MBNL1: variants seen among roughly 807,000 people sequenced by gnomAD.
MBNL1 encodes muscleblind like splicing regulator 1.
Under a neutral mutation model 42.2 loss-of-function variants are expected in MBNL1, and 8 were observed. The ratio of observed to expected loss-of-function variants is 0.19; its 90% CI spans 0.11 to 0.34. The LOEUF (loss-of-function observed/expected upper bound fraction) is 0.34, where lower values mean the gene tolerates loss of function less well. Among genes scored for constraint, MBNL1 ranks in the 10% least tolerant of loss-of-function variants. The pLI is 1.00. For synonymous variants in MBNL1, 169 were observed against 173.9 expected (o/e 0.97, Z 0.22); for missense variants, 309 against 495.3 (o/e 0.62, Z 3.57).
rs866314864 is a variant in MBNL1, at chr3:152,250,100, G to A, written n.333+5660G>A. Reference sequence around the variant, plus strand: ...TGGCTTAGGATTTACTTGGCGATGCGGGCTCTTTTTTGGATCCATATGAAC... The same window carrying A: ...TGGCTTAGGATTTACTTGGCGATGCAGGCTCTTTTTTGGATCCATATGAAC... On this transcript the variant is annotated intron_variant and non_coding_transcript_variant, in intron 2 of 2. Coordinates refer to the MBNL1 transcript ENST00000477171. Among the ~76,000 whole-genome samples, 15 of 152,064 alleles carry A rather than the reference G, an allele frequency of 9.9e-5. No individual in the cohort carries two copies. In the East Asian group the frequency reaches 1.7e-3, roughly 18 times the overall value.
Position 152,335,347 on chromosome 3 carries a change from G to T in MBNL1, c.174+34980G>T, listed in dbSNP as rs540154089. 4.0e-6 allele frequency: 4 copies of T among 992,852 alleles called. No individual in the cohort carries two copies. In the East Asian group the frequency reaches 2.4e-4, roughly 60 times the overall value. The allele number at this position is 992,852 out of a possible 1,614,324, so 61.5% of individuals were successfully genotyped here. On this transcript the variant is annotated intron_variant, in intron 2 of 9. Coordinates refer to ENST00000324210, the MANE Select transcript of MBNL1 (RefSeq NM_021038.5). ...ATGGCTTTTGGTATTCTGTACATTA[G>T]AAACTGTTTTAGAGAGGAACCGTGG...
intron 2 of MBNL1, among the ~76,000 whole-genome samples, chr3:152,317,449 A>G (rs573599205): frequency 6.6e-6 from 1 of 152,066 alleles, no homozygotes; most frequent in African/African-American, 2.4e-5. Context: ...TCTCCTGAGT[A>G]TCTGGGATTA....
At chr3:152,336,085 C>T (rs904776015) in intron 2 of MBNL1, among the ~76,000 whole-genome samples, 5 of 152,038 alleles carry the variant, frequency 3.3e-5, no homozygotes, top group African/African-American at 4.8e-5. Flanking sequence ...TTTCCCCTTG[C>T]GATGCTTAAC....
At chr3:152,344,070 G>A (rs2093813583) in intron 2 of MBNL1, among the ~76,000 whole-genome samples, 1 of 151,672 alleles carries the variant, frequency 6.6e-6, no homozygotes, top group South Asian at 2.1e-4. Flanking sequence ...CCTTTTTTTG[G>A]GGGGTGACTG....
At chr3:152,263,838 G>A (rs2036725380), upstream of MBNL1, 1 of 152,032 alleles carries the variant, frequency 6.6e-6, no homozygotes, top group Non-Finnish European at 1.5e-5. Context: ...TGATTAATTT[G>A]ATGGAGATTC....
At chr3:152,323,991 G>A (rs369666524) in intron 2 of MBNL1, among the ~76,000 whole-genome samples, 6 of 152,090 alleles carry the variant, frequency 3.9e-5, no homozygotes, top group Non-Finnish European at 4.4e-5. Flanking sequence ...AATTATCCCC[G>A]TTTTCGGTTG....
chr3:152,453,626 A>G (rs1727927189), intron 6 of MBNL1, among the ~76,000 whole-genome samples: 1 of 152,178 alleles, frequency 6.6e-6, no homozygotes, highest in Admixed American at 6.5e-5. Flanking sequence ...CTACAGCATT[A>G]TGTCCTCATA....
intron 2 of MBNL1, among the ~76,000 whole-genome samples, chr3:152,365,495 A>C (rs1393275717): frequency 1.3e-5 from 2 of 152,158 alleles, no homozygotes; most frequent in Non-Finnish European, 1.5e-5. Flanking sequence ...GATGAATCTA[A>C]TTGAGCCTTT....
At position 152,337,542 on chromosome 3, in the gene MBNL1, C is replaced by T. The variant is rs139393490; in HGVS notation, c.174+37175C>T. Among the ~76,000 whole-genome samples, 654 of 151,132 alleles carry T rather than the reference C, an allele frequency of 4.3e-3. 4 individuals carry two copies. Among genetic ancestry groups the T allele is most frequent in the African/African-American group, 0.015 (637 of 41,108 alleles). ...CTGAGCCAGGATAATTGCTCAAACC[C>T]GGGAGGTGGAGGTTGCAGTGAGCCA... On this transcript the variant is annotated intron_variant, in intron 2 of 9. Coordinates refer to ENST00000324210, the MANE Select transcript of MBNL1 (RefSeq NM_021038.5).
chr3:152,282,388 A>G (rs1160925397), intron 1 of MBNL1, among the ~76,000 whole-genome samples: 1 of 152,112 alleles, frequency 6.6e-6, no homozygotes, highest in African/African-American at 2.4e-5. Context: ...ATGCTAATAT[A>G]CTAATTTTTT....
chr3:152,297,986 G>C (rs115059137), intron 1 of MBNL1, among the ~76,000 whole-genome samples: 1 of 152,060 alleles, frequency 6.6e-6, no homozygotes, highest in Non-Finnish European at 1.5e-5. Flanking sequence ...AGTTGTAGTC[G>C]TACTGTAGTA....
chr3:152,407,610 A>G (rs1008300049), intron 2 of MBNL1, among the ~76,000 whole-genome samples: 1 of 152,176 alleles, frequency 6.6e-6, no homozygotes, highest in Non-Finnish European at 1.5e-5. Context: ...AAACACAGAC[A>G]ATTATGTAAT....
At chr3:152,248,067 A>C (rs2033575115) in intron 2 of MBNL1, among the ~76,000 whole-genome samples, 1 of 152,056 alleles carries the variant, frequency 6.6e-6, no homozygotes, top group Admixed American at 6.6e-5. Flanking sequence ...AATAAATTGC[A>C]ATATGATTTT....
At chr3:152,456,182 G>A (rs916792554) in intron 7 of MBNL1, 85 bp from the exon 8 acceptor site, 5 of 894,322 alleles carry the variant, frequency 5.6e-6, no homozygotes, top group Non-Finnish European at 9.5e-6. Flanking sequence ...TAAATACCAT[G>A]CCCAATTATC....
At chr3:152,399,771 G>A (rs749224359) in intron 2 of MBNL1, among the ~76,000 whole-genome samples, 5 of 152,024 alleles carry the variant, frequency 3.3e-5, no homozygotes, top group Non-Finnish European at 7.4e-5. Context: ...CCAAAGTACT[G>A]GGATTACAGG....
intron 2 of MBNL1, chr3:152,339,817 CTTTATT>C (rs1171780794): frequency 2.0e-5 from 3 of 152,134 alleles, no homozygotes; most frequent in South Asian, 2.1e-4. Flanking sequence ...TTTTAGTAAA[CTTTATT>C]TTTATTGATA....
chr3:152,341,284 C>T (rs1357959563), intron 2 of MBNL1, among the ~76,000 whole-genome samples: 1 of 152,100 alleles, frequency 6.6e-6, no homozygotes, highest in Non-Finnish European at 1.5e-5. Context: ...TGCATTTTGT[C>T]TTTTCTATTT....
At chr3:152,402,200 A>G (rs1260834263) in intron 2 of MBNL1, among the ~76,000 whole-genome samples, 1 of 152,120 alleles carries the variant, frequency 6.6e-6, no homozygotes, top group Non-Finnish European at 1.5e-5. Context: ...GATGGGAACC[A>G]GGGGTTGCAA....
intron 2 of MBNL1, among the ~76,000 whole-genome samples, chr3:152,341,621 G>A (rs2093248440): frequency 6.6e-6 from 1 of 152,176 alleles, no homozygotes; most frequent in African/African-American, 2.4e-5. Context: ...GAGCATGGGA[G>A]CTGTCCATAC....
Sources: allele counts gnomAD v4.1 joint callset (sites outside exome capture counted in the v4.1 genomes callset), GRCh38; gene constraint gnomAD v4.1.1; transcripts MANE v1.5; gene names NCBI Gene and HGNC (gene_info 2026-07-23, HGNC 2026-07-21).